The following ADGRL1 variants were observed in gnomAD, a reference collection of about 807,000 sequenced individuals.
ADGRL1 encodes the protein CIRL-1.
In ADGRL1, 31 loss-of-function variants were observed where a neutral mutation model predicts 148.9. The ratio of observed to expected loss-of-function variants is 0.21; its 90% CI spans 0.16 to 0.28. The LOEUF is 0.28. Among genes scored for constraint, ADGRL1 ranks in the 10% least tolerant of loss-of-function variants. The pLI, the probability that ADGRL1 is intolerant of heterozygous loss-of-function variation, is 1.00. For missense variants in ADGRL1, 1,521 were observed against 2,058.8 expected (o/e 0.74, Z 5.05); for synonymous variants, 937 against 900.3 (o/e 1.04, Z -0.73).
chr19:14,157,660 C>T lies in ADGRL1; in HGVS notation c.2536-200G>A, dbSNP rs1968906403. Among the ~76,000 whole-genome samples, 1 of 152,236 alleles carries T rather than the reference C, an allele frequency of 6.6e-6. No homozygotes were observed. Among genetic ancestry groups the T allele is most frequent in the South Asian group, 2.1e-4 (1 of 4,836 alleles). The stretch of plus-strand genomic sequence containing the variant: ...CTCTGGAAGGCTTGTGGAGAGATGA[C>T]CAACGTAACACCAACTTGCTTCTCC... On this transcript the variant is annotated intron_variant, in intron 13 of 22. Coordinates refer to ENST00000361434, the MANE Select transcript of ADGRL1 (RefSeq NM_014921.5). This position sits in a 1 kb window ranked among gnomAD's most constrained non-coding sequence, Gnocchi z 7.5.
In ADGRL1 at chr19:14,163,337, G is replaced by A; in HGVS notation, c.464C>T (p.Ser155Phe). The part of the protein sequence containing the change: ...PTSTHESEHQ[S>F]GAWCKDPLQA... Reference sequence around the variant, plus strand: ...CAGCGGGTCCTTGCACCATGCGCCAGACTGGTGCTCTGACTCGTGTGTCGA... The same window carrying A: ...CAGCGGGTCCTTGCACCATGCGCCAAACTGGTGCTCTGACTCGTGTGTCGA... The change falls in exon 5 of 23, where the codon TCT becomes TTT. Residue 155 changes from serine (S) to phenylalanine (F), a missense_variant. Around this residue, in one of 8 missense-constraint regions of ADGRL1, gnomAD observed 334 missense variants for 512.5 expected, o/e 0.65. Transcript: ENST00000361434. 6.2e-7 allele frequency: 1 copy of A among 1,610,858 alleles called. No homozygotes were observed.
At chr19:14,201,314 T>TTG (rs1555692940) in intron 1 of ADGRL1, among the ~76,000 whole-genome samples, 1 of 115,076 alleles carries the variant, frequency 8.7e-6, no homozygotes. Context: ...TTTTTTTTTT[T>TTG]GGCGGGGTGG....
At chr19:14,205,501 G>A (rs1486564042) in intron 1 of ADGRL1, among the ~76,000 whole-genome samples, 1 of 151,836 alleles carries the variant, frequency 6.6e-6, no homozygotes, top group East Asian at 2.0e-4. Flanking sequence ...CCCCGACACG[G>A]CTCCTCTGGG....
At chr19:14,175,523 T>C (rs1469058485) in intron 3 of ADGRL1, among the ~76,000 whole-genome samples, 1 of 151,188 alleles carries the variant, frequency 6.6e-6, no homozygotes, top group Non-Finnish European at 1.5e-5. Flanking sequence ...AATACACTCA[T>C]ATAACCACAT....
At position 14,157,198 on chromosome 19, in the gene ADGRL1, C is replaced by T. The variant is rs1968857153; in HGVS notation, c.2745+53G>A. The T allele has an allele frequency of 1.1e-5, 17 of 1,613,378 alleles. No individual in the cohort carries two copies. The highest frequency in any genetic ancestry group is 3.3e-5 in the Admixed American group (2 of 60,012). Reference sequence around the variant, plus strand: ...TGCTGCCTGGACAGGTGTCCCCCTTCTTCTCCCGGCCCCCAGGCGCTGGCC... The same window carrying T: ...TGCTGCCTGGACAGGTGTCCCCCTTTTTCTCCCGGCCCCCAGGCGCTGGCC... On this transcript the variant is annotated intron_variant, in intron 14 of 22. Transcript: ENST00000361434. The surrounding 1 kb of genome is among the most constrained non-coding windows in gnomAD (Gnocchi z 7.5).
chr19:14,159,449 C>T lies in ADGRL1; in HGVS notation c.1975G>A (p.Asp659Asn), dbSNP rs753287636. 9 of 1,612,870 alleles carry T rather than the reference C, an allele frequency of 5.6e-6. No individual in the cohort carries two copies. Among genetic ancestry groups the T allele is most frequent in the Admixed American group, 1.7e-5 (1 of 59,932 alleles). ...VLEEGAFLLA[D>N]NVREPARFLA... The stretch of plus-strand genomic sequence containing the variant: ...AAGCGGGCAGGCTCCCTGACATTGT[C>T]GGCCAGCAGGAAGGCGCCCTCCTCC... Residue 659 changes from aspartate (D) to asparagine (N), a missense_variant, in exon 10 of 23, where the codon GAC becomes AAC. By Grantham distance (23) the Asp-to-Asn change is conservative. Coordinates refer to ENST00000361434, the MANE Select transcript of ADGRL1 (RefSeq NM_014921.5). The surrounding 1 kb of genome is among the most constrained non-coding windows in gnomAD (Gnocchi z 6.0).
chr19:14,153,094 G>A (rs1968379749), intron 18 of ADGRL1, among the ~76,000 whole-genome samples, 182 bp from the exon 19 acceptor site: 1 of 152,166 alleles, frequency 6.6e-6, no homozygotes, highest in Non-Finnish European at 1.5e-5. Flanking sequence ...TCCCCCAACA[G>A]CCAGCCGATC....
In ADGRL1 at chr19:14,156,552, A is replaced by AGT. The variant is rs3830196; in HGVS notation, c.3033+104_3033+105dup. On this transcript the variant is annotated intron_variant, in intron 16 of 22. Coordinates refer to ENST00000361434, the MANE Select transcript of ADGRL1 (RefSeq NM_014921.5). ...AGTTCCGATGTGTGGAGAGAGAGAG[A>AGT]GTGTGTGTGTGTGTGGGGGGGGTGG... The AGT allele has an allele frequency of 3.6e-3, 1,628 of 458,210 alleles. 3 individuals are homozygous for AGT. The highest frequency in any genetic ancestry group is 9.0e-3 in the Admixed American group (193 of 21,360). The allele number at this position is 458,210 out of a possible 1,614,324, so 28.4% of individuals were successfully genotyped here.
rs751499262 is a variant in ADGRL1, at chr19:14,152,414, T to C, written c.3544A>G (p.Thr1182Ala). ...NRGTMGNHLL[T>A]NPVLQPRGGT... is the part of the protein sequence containing the mutation. ...CCACGGGGCTGCAGCACGGGGTTGG[T>C]CAGCAGGTGGTTCCCCATGGTACCT... Residue 1182 changes from threonine to alanine, a missense_variant, in exon 21 of 23, where the codon ACC (threonine) becomes GCC (alanine). Physicochemically the swap from Thr to Ala is moderately conservative, Grantham distance 58. This residue lies in a region of ADGRL1 where 47 missense variants were observed against 64.6 expected (regional missense o/e 0.73). Coordinates refer to ENST00000361434, the MANE Select transcript of ADGRL1 (RefSeq NM_014921.5). This position sits in a 1 kb window ranked among gnomAD's most constrained non-coding sequence, Gnocchi z 6.1. 13 of 1,601,210 alleles carry C rather than the reference T, an allele frequency of 8.1e-6. No homozygotes were observed. Among genetic ancestry groups the C allele is most frequent in the Non-Finnish European group, 1.1e-5 (13 of 1,171,394 alleles).
chr19:14,201,374 T>A (rs1247678172), intron 1 of ADGRL1, among the ~76,000 whole-genome samples: 1 of 149,540 alleles, frequency 6.7e-6, no homozygotes, highest in Non-Finnish European at 1.5e-5. Context: ...TGAATTTTTA[T>A]CTCCCCCCAA....
intron 1 of ADGRL1, among the ~76,000 whole-genome samples, chr19:14,193,944 G>C (rs1384929754): frequency 6.6e-6 from 1 of 152,156 alleles, no homozygotes. Context: ...AGAGCTGGGA[G>C]GCGACACAAT....
At chr19:14,186,184 T>C (rs1220452083) in intron 1 of ADGRL1, among the ~76,000 whole-genome samples, 4 of 152,124 alleles carry the variant, frequency 2.6e-5, no homozygotes, top group Non-Finnish European at 5.9e-5. Flanking sequence ...TCGGCCTCCC[T>C]AGTAGCTGAG....
intron 3 of ADGRL1, among the ~76,000 whole-genome samples, chr19:14,176,793 T>A (rs1023324999): frequency 6.6e-6 from 1 of 151,446 alleles, no homozygotes; most frequent in South Asian, 2.1e-4. Context: ...GAGCTGTGAT[T>A]GTGCCACTGT....
In ADGRL1 at chr19:14,159,423, G is replaced by A; in HGVS notation, c.2001C>T (p.Phe667=). The A allele has an allele frequency of 6.2e-7, 1 of 1,611,266 alleles. No individual in the cohort carries two copies. The highest frequency in any genetic ancestry group is 2.2e-5 in the East Asian group (1 of 44,836). The part of the protein sequence containing the change: ...LADNVREPAR[F]LAAKENVVLE... ...CACCCACGTTCTCCTTGGCAGCCAG[G>A]AAGCGGGCAGGCTCCCTGACATTGT... The change falls in exon 10 of 23, where the codon TTC becomes TTT. Residue 667 remains phenylalanine, a synonymous_variant. Transcript: ENST00000361434. The surrounding 1 kb of genome is among the most constrained non-coding windows in gnomAD (Gnocchi z 6.0).
intron 1 of ADGRL1, among the ~76,000 whole-genome samples, chr19:14,200,510 G>A (rs1414325138): frequency 1.3e-5 from 2 of 152,204 alleles, no homozygotes; most frequent in Admixed American, 1.3e-4. Flanking sequence ...GAGAAGAAGA[G>A]AAAAGAGAAC....
intron 4 of ADGRL1, among the ~76,000 whole-genome samples, chr19:14,165,844 C>T (rs1433140871): frequency 2.0e-5 from 3 of 152,058 alleles, no homozygotes; most frequent in Non-Finnish European, 4.4e-5. Flanking sequence ...CTCCACAGAC[C>T]ACTGTAATTT....
intron 1 of ADGRL1, among the ~76,000 whole-genome samples, chr19:14,200,752 C>T (rs547357823): frequency 6.6e-6 from 1 of 152,332 alleles, no homozygotes; most frequent in South Asian, 2.1e-4. Context: ...GCTGGGACGA[C>T]AGGCGTGCGG....
intron 1 of ADGRL1, among the ~76,000 whole-genome samples, chr19:14,187,690 G>A (rs1381790718): frequency 2.7e-5 from 4 of 150,674 alleles, no homozygotes; most frequent in Non-Finnish European, 4.4e-5. Context: ...GCCCCTATCC[G>A]CATCTCCCCC....
chr19:14,159,882 G>A lies in ADGRL1; in HGVS notation c.1801-109C>T, dbSNP rs1323611857. The A allele has an allele frequency of 8.9e-7, 1 of 1,117,726 alleles. No individual in the cohort carries two copies. The highest frequency in any genetic ancestry group is 1.5e-5 in the African/African-American group (1 of 65,548). The allele number at this position is 1,117,726 out of a possible 1,614,324, so 69.2% of individuals were successfully genotyped here. On this transcript the variant is annotated intron_variant, in intron 8 of 22. Coordinates refer to ENST00000361434, the MANE Select transcript of ADGRL1 (RefSeq NM_014921.5). This position sits in a 1 kb window ranked among gnomAD's most constrained non-coding sequence, Gnocchi z 6.0. ...CTCGTCTGCGGTTACCACTGACCCA[G>A]GGCTGGGCTATCAGCAAGACATTCC... is the stretch of plus-strand genomic sequence containing the variant.
Sources: allele counts gnomAD v4.1 joint callset (sites outside exome capture counted in the v4.1 genomes callset), GRCh38; gene constraint gnomAD v4.1.1; regional missense constraint gnomAD v4.1.1; non-coding constraint Gnocchi (gnomAD v3.1); transcripts MANE v1.5; gene names NCBI Gene and HGNC (gene_info 2026-07-23, HGNC 2026-07-21).